The following FNIP1 variants were observed in gnomAD, a reference collection of about 807,000 sequenced individuals.
The protein encoded by FNIP1 is folliculin interacting protein 1.
FNIP1 carries 40 observed loss-of-function variants against 124.5 expected under a neutral mutation model. That is an observed-to-expected ratio of 0.32 (90% CI 0.25 to 0.42). The LOEUF is 0.42. Among genes scored for constraint, FNIP1 ranks in the 10% least tolerant of loss-of-function variants. The pLI is 1.00. For missense variants in FNIP1, 1,176 were observed against 1,403.7 expected (o/e 0.84, Z 2.59); for synonymous variants, 472 against 470.6 (o/e 1.00, Z -0.04).
rs186443746 is a variant in FNIP1, at chr5:131,644,843, G to A, written c.3423-80C>T. ...ACTCTACAGGCAATGACCACCAACTGTAAGGTCACTATACCTCAACGGTTA... is the reference window on the plus strand; with the variant it reads ...ACTCTACAGGCAATGACCACCAACTATAAGGTCACTATACCTCAACGGTTA... On this transcript the variant is annotated intron_variant, in intron 17 of 17. Coordinates refer to ENST00000510461, the MANE Select transcript of FNIP1 (RefSeq NM_133372.3). 4.8e-4 allele frequency: 659 copies of A among 1,368,620 alleles called. 5 individuals are homozygous for A. The East Asian group carries it at 9.0e-3, about 19-fold the overall frequency. 84.8% of individuals were successfully genotyped at this position (1,368,620 alleles called of 1,614,324 possible). A position where few individuals can be genotyped will look rare whatever the true frequency, so the allele number is the denominator to read the frequency against.
chr5:131,778,374 A>C (rs1214583069), intron 1 of FNIP1, among the ~76,000 whole-genome samples: 2 of 152,194 alleles, frequency 1.3e-5, no homozygotes, highest in African/African-American at 4.8e-5. Context: ...ACATTTATGC[A>C]GCCAAAAAAC....
intron 2 of FNIP1, among the ~76,000 whole-genome samples, chr5:131,734,063 T>C (rs1269897114): frequency 1.3e-5 from 2 of 152,196 alleles, no homozygotes; most frequent in African/African-American, 4.8e-5. Flanking sequence ...CTTGGGAGGA[T>C]GTATGTGTTG....
chr5:131,762,073 A>C (rs563576223), intron 1 of FNIP1, among the ~76,000 whole-genome samples: 2 of 152,256 alleles, frequency 1.3e-5, no homozygotes, highest in African/African-American at 4.8e-5. Context: ...ATAAAACCAG[A>C]CCCCTATCTC....
At chr5:131,782,025 A>T (rs988420162) in intron 1 of FNIP1, among the ~76,000 whole-genome samples, 4 of 152,060 alleles carry the variant, frequency 2.6e-5, no homozygotes, top group African/African-American at 9.7e-5. Flanking sequence ...ATCGTGGCAA[A>T]CACCTATAGC....
At chr5:131,644,889 C>A in intron 17 of FNIP1, 126 bp from the exon 18 acceptor site, 4 of 768,040 alleles carry the variant, frequency 5.2e-6, no homozygotes, top group Non-Finnish European at 6.3e-6. Context: ...CCACTCTGGC[C>A]GAAAGGAAAA....
intron 1 of FNIP1, among the ~76,000 whole-genome samples, chr5:131,755,235 A>T (rs1285679702): frequency 6.6e-6 from 1 of 152,138 alleles, no homozygotes; most frequent in Non-Finnish European, 1.5e-5. Flanking sequence ...AGCCTGGCCA[A>T]CATGGCAAAA....
chr5:131,697,141 C>G (rs994762745), intron 11 of FNIP1, among the ~76,000 whole-genome samples: 1 of 152,006 alleles, frequency 6.6e-6, no homozygotes, highest in Non-Finnish European at 1.5e-5. Context: ...TTTAAACAAA[C>G]AACAATCTAG....
intron 2 of FNIP1, among the ~76,000 whole-genome samples, chr5:131,735,454 A>ATTTTACATATATAT (rs1554097344): frequency 7.5e-4 from 110 of 147,482 alleles, no homozygotes; most frequent in South Asian, 6.1e-3. Flanking sequence ...AACTTAAAGT[A>ATTTTACATATATAT]TTTTATATAT....
At chr5:131,665,901 T>A (rs1267890630) in intron 15 of FNIP1, among the ~76,000 whole-genome samples, 4 of 142,172 alleles carry the variant, frequency 2.8e-5, no homozygotes, top group African/African-American at 1.1e-4. Flanking sequence ...AAATAATACT[T>A]TTTTTTTTTT....
intron 3 of FNIP1, among the ~76,000 whole-genome samples, chr5:131,722,914 G>A (rs1769722571): frequency 6.6e-6 from 1 of 152,130 alleles, no homozygotes; most frequent in Non-Finnish European, 1.5e-5. Context: ...ACAATCTCTT[G>A]ACCTCGTGAT....
In FNIP1 at chr5:131,693,021, TA is replaced by T. The variant is rs973665614; in HGVS notation, c.1202+5895del. Among the ~76,000 whole-genome samples the T allele has an allele frequency of 1.3e-4, 19 of 145,010 alleles. No homozygotes were observed. The East Asian group carries it at 2.0e-3, about 15-fold the overall frequency. The stretch of plus-strand genomic sequence containing the variant: ...AGACTGTCTAAAAAAAAAATAAATT[TA>T]AAAAAAAAAATTTCAGGGCTCCAGA... On this transcript the variant is annotated intron_variant, in intron 11 of 17. Transcript: ENST00000510461.
intron 11 of FNIP1, 95 bp from the exon 12 acceptor site, chr5:131,679,270 A>G: frequency 1.4e-6 from 1 of 736,632 alleles, no homozygotes; most frequent in South Asian, 1.7e-5. Flanking sequence ...TGGTCCTTAC[A>G]TCTAGATTAT....
chr5:131,757,001 T>C (rs1299315171), intron 1 of FNIP1, among the ~76,000 whole-genome samples: 2 of 152,174 alleles, frequency 1.3e-5, no homozygotes, highest in African/African-American at 4.8e-5. Flanking sequence ...GTAGATTTTC[T>C]GAGCAGCCAC....
At chr5:131,677,556 G>T in intron 13 of FNIP1, 147 bp downstream of exon 13, 2 of 682,756 alleles carry the variant, frequency 2.9e-6, no homozygotes, top group Non-Finnish European at 4.7e-6. Flanking sequence ...AAGACAAATT[G>T]GCAGACATGA....
intron 10 of FNIP1, among the ~76,000 whole-genome samples, chr5:131,701,813 A>G (rs1768909124): frequency 6.6e-6 from 1 of 152,210 alleles, no homozygotes; most frequent in South Asian, 2.1e-4. Context: ...ATCTCCCCAA[A>G]GTACAACTTG....
chr5:131,763,870 A>AG (rs1475375542), intron 1 of FNIP1, among the ~76,000 whole-genome samples: 8 of 152,170 alleles, frequency 5.3e-5, no homozygotes, highest in African/African-American at 1.9e-4. Flanking sequence ...AACCATTTCT[A>AG]GTAAGATACC....
intron 3 of FNIP1, among the ~76,000 whole-genome samples, chr5:131,729,360 C>T (rs183592459): frequency 7.1e-4 from 108 of 152,318 alleles, no homozygotes; most frequent in Middle Eastern, 3.4e-3. Flanking sequence ...GGGCTGCTGC[C>T]TTTCTTTCAG....
chr5:131,777,978 C>G (rs1264702267), intron 1 of FNIP1, among the ~76,000 whole-genome samples: 3 of 152,144 alleles, frequency 2.0e-5, no homozygotes, highest in Admixed American at 6.5e-5. Flanking sequence ...TGATAGGCAA[C>G]CCTATAATGG....
chr5:131,749,979 G>C (rs1299383088), intron 1 of FNIP1, among the ~76,000 whole-genome samples: 1 of 152,098 alleles, frequency 6.6e-6, no homozygotes, highest in African/African-American at 2.4e-5. Context: ...TGGTGCATGA[G>C]TGTATGTTGA....
Sources: gnomAD v4.1 joint callset for allele counts (sites outside exome capture counted in the v4.1 genomes callset) on GRCh38, gnomAD v4.1.1 for gene constraint, MANE v1.5 for transcripts, NCBI Gene and HGNC (gene_info 2026-07-23, HGNC 2026-07-21) for gene names.